Variants in CLVS1 observed in about 807,000 individuals in gnomAD.
The protein encoded by CLVS1 is clavesin 1.
CLVS1 carries 10 observed loss-of-function variants against 33.1 expected under a neutral mutation model. That is an observed-to-expected ratio of 0.30 (90% CI 0.19 to 0.51). The LOEUF is 0.51. Among genes scored for constraint, CLVS1 ranks in the 20% least tolerant of loss-of-function variants. CLVS1 has a pLI of 0.97. For missense variants in CLVS1, 343 were observed against 433.4 expected, an observed-to-expected ratio of 0.79 and a Z score of 1.85; for synonymous variants, 163 against 166.1, an observed-to-expected ratio of 0.98 and a Z score of 0.14.
intron 2 of CLVS1, among the ~76,000 whole-genome samples, chr8:61,272,688 C>G (rs1181619833): frequency 6.6e-6 from 1 of 151,992 alleles, no homozygotes; most frequent in Non-Finnish European, 1.5e-5. Flanking sequence ...AGGCTTTGCT[C>G]ATTTCTTTTT....
intron 2 of CLVS1, among the ~76,000 whole-genome samples, chr8:61,194,460 G>A (rs2978512): frequency 0.35 from 53,356 of 151,842 alleles, 11,775 homozygotes; most frequent in Middle Eastern, 0.57. Context: ...TAGACATTAA[G>A]TTGGTGCATT....
intron 3 of CLVS1, among the ~76,000 whole-genome samples, chr8:61,385,196 A>G (rs1814032691): frequency 6.6e-6 from 1 of 152,140 alleles, no homozygotes; most frequent in African/African-American, 2.4e-5. Context: ...GCTGGGGGAG[A>G]TTGATCTTGA....
chr8:61,180,846 AT>A (rs1807214943), intron 2 of CLVS1, among the ~76,000 whole-genome samples: 1 of 152,228 alleles, frequency 6.6e-6, no homozygotes, highest in African/African-American at 2.4e-5. Flanking sequence ...TCTCAAAATA[AT>A]AAGAGCTGTT....
the CLVS1 span, among the ~76,000 whole-genome samples, chr8:61,032,490 G>C: frequency 2.6e-5 from 4 of 152,152 alleles, no homozygotes; most frequent in African/African-American, 9.7e-5. Flanking sequence ...TGCATGTAAA[G>C]CAGCCCAGCC....
chr8:61,371,538 T>A (rs1039785029), intron 2 of CLVS1, among the ~76,000 whole-genome samples: 23 of 151,298 alleles, frequency 1.5e-4, no homozygotes, highest in African/African-American at 4.4e-4. Flanking sequence ...CTATTCCTTC[T>A]AAAAAAAAAT....
the CLVS1 span, among the ~76,000 whole-genome samples, chr8:61,009,680 A>G: frequency 6.6e-6 from 1 of 152,074 alleles, no homozygotes; most frequent in Non-Finnish European, 1.5e-5. Flanking sequence ...TACTTGTTAT[A>G]TATATTTTGT....
At chr8:60,968,073 G>C in the CLVS1 span, among the ~76,000 whole-genome samples, 1 of 152,148 alleles carries the variant, frequency 6.6e-6, no homozygotes, top group African/African-American at 2.4e-5. Context: ...CAAGTCGCTG[G>C]GACCACAGGC....
chr8:61,167,978 G>A (rs945560653), intron 2 of CLVS1, among the ~76,000 whole-genome samples: 3 of 152,056 alleles, frequency 2.0e-5, no homozygotes, highest in Admixed American at 1.3e-4. Context: ...CGGCCCCCAG[G>A]GCTGCTCTGT....
chr8:61,174,842 C>T (rs1807082715), intron 2 of CLVS1, among the ~76,000 whole-genome samples: 2 of 89,108 alleles, frequency 2.2e-5, no homozygotes, highest in Non-Finnish European at 4.9e-5. Flanking sequence ...AAATTTTTAT[C>T]CCCCCCGTCA....
At chr8:61,233,215 C>G (rs1808482111) in intron 2 of CLVS1, among the ~76,000 whole-genome samples, 1 of 152,124 alleles carries the variant, frequency 6.6e-6, no homozygotes, top group Non-Finnish European at 1.5e-5. Context: ...ATCTACCAGA[C>G]AAGTTAAGCA....
chr8:61,391,377 A>T (rs1334965861), intron 3 of CLVS1: 1 of 152,248 alleles, frequency 6.6e-6, no homozygotes, highest in East Asian at 1.9e-4. Flanking sequence ...TGGGATGAAG[A>T]TTAACTTGAT....
At chr8:61,445,440 T>A (rs1356635711) in intron 3 of CLVS1, among the ~76,000 whole-genome samples, 1 of 152,052 alleles carries the variant, frequency 6.6e-6, no homozygotes, top group African/African-American at 2.4e-5. Flanking sequence ...ATAAAGAGCC[T>A]AGCACCTCCC....
At chr8:61,229,974 C>A (rs974043267) in intron 2 of CLVS1, among the ~76,000 whole-genome samples, 2 of 152,118 alleles carry the variant, frequency 1.3e-5, no homozygotes, top group Non-Finnish European at 2.9e-5. Context: ...TCTTATTTGA[C>A]GTTCACATCA....
intron 2 of CLVS1, among the ~76,000 whole-genome samples, chr8:61,180,674 T>C (rs1463849913): frequency 1.3e-5 from 2 of 152,200 alleles, no homozygotes; most frequent in African/African-American, 2.4e-5. Context: ...GTGACGCAAG[T>C]CTGGTTCAAC....
intron 1 of CLVS1, among the ~76,000 whole-genome samples, chr8:61,130,212 TG>T (rs2129291015): frequency 6.6e-6 from 1 of 150,736 alleles, no homozygotes; most frequent in South Asian, 2.1e-4. Flanking sequence ...CACTCTAGCG[TG>T]GGAGACAGAG....
intron 4 of CLVS1, among the ~76,000 whole-genome samples, chr8:61,454,608 A>T (rs1246566876): frequency 1.3e-5 from 2 of 152,228 alleles, no homozygotes; most frequent in African/African-American, 4.8e-5. Flanking sequence ...TGTTCTGCAA[A>T]TGTATTAGTG....
intron 3 of CLVS1, among the ~76,000 whole-genome samples, chr8:61,429,419 T>TAAAA (rs57688988): frequency 6.8e-5 from 5 of 73,234 alleles, no homozygotes; most frequent in Non-Finnish European, 9.9e-5. Context: ...GACTCTGTCT[T>TAAAA]AAAAAAAAAA....
At chr8:61,096,715 G>A (rs1217744997) in intron 1 of CLVS1, among the ~76,000 whole-genome samples, 1 of 152,032 alleles carries the variant, frequency 6.6e-6, no homozygotes, top group Non-Finnish European at 1.5e-5. Context: ...CTGTGTTTTG[G>A]AATGGTGAAG....
chr8:61,410,066 GTTT>G (rs201195565), intron 3 of CLVS1, among the ~76,000 whole-genome samples: 2 of 106,920 alleles, frequency 1.9e-5, no homozygotes, highest in African/African-American at 6.8e-5. Flanking sequence ...ACTTGCAGAG[GTTT>G]TTTTTTTTTT....
Sources: allele counts gnomAD v4.1 joint callset (sites outside exome capture counted in the v4.1 genomes callset), GRCh38; gene constraint gnomAD v4.1.1; transcripts MANE v1.5; gene names NCBI Gene and HGNC (gene_info 2026-07-23, HGNC 2026-07-21).